MAPKAP1: variants seen among roughly 807,000 people sequenced by gnomAD.
MAPKAP1 encodes target of rapamycin complex 2 subunit MAPKAP1.
Under a neutral mutation model 65.7 loss-of-function variants are expected in MAPKAP1, and 20 were observed. That is an observed-to-expected ratio of 0.30 (90% confidence interval 0.21 to 0.44). The LOEUF (loss-of-function observed/expected upper bound fraction) is 0.44, where lower values mean the gene tolerates loss of function less well. MAPKAP1 is among the 20% of genes least tolerant of loss of function. The pLI is 1.00. For synonymous variants in MAPKAP1, 222 were observed against 244.3 expected (o/e 0.91, Z 0.85); for missense variants, 423 against 648.0 (o/e 0.65, Z 3.77).
chr9:125,497,160 T>C (rs1391677928), intron 8 of MAPKAP1, among the ~76,000 whole-genome samples: 1 of 152,162 alleles, frequency 6.6e-6, no homozygotes, highest in Non-Finnish European at 1.5e-5. Flanking sequence ...GACTAAGACC[T>C]CTGGATGTTC....
intron 7 of MAPKAP1, among the ~76,000 whole-genome samples, chr9:125,535,813 T>C (rs1002355972): frequency 6.6e-6 from 1 of 152,174 alleles, no homozygotes; most frequent in African/African-American, 2.4e-5. Flanking sequence ...CAGACCCTAG[T>C]GAACCCAGGA....
chr9:125,438,930 G>T lies in MAPKAP1; in HGVS notation c.1526C>A (p.Thr509Lys). 1 of 1,614,222 alleles carries T rather than the reference G, an allele frequency of 6.2e-7. No homozygotes were observed. The highest frequency in any genetic ancestry group is 1.3e-5 in the African/African-American group (1 of 75,080). The stretch of plus-strand genomic sequence containing the variant: ...CTTCTCCTTCTGGAAGCTGAAGCTC[G>T]TACGTCTGTTCAGTTTTCTTTGTTT... ...AQKQRKLNRRTSFSFQKEKKS... is the reference protein window; with the variant it reads ...AQKQRKLNRRKSFSFQKEKKS... The change falls in exon 12 of 12, where the codon ACG becomes AAG. Residue 509 changes from threonine (T) to lysine (K), a missense_variant. Transcript: ENST00000265960.
intron 4 of MAPKAP1, among the ~76,000 whole-genome samples, chr9:125,610,420 G>A (rs1832564672): frequency 6.6e-6 from 1 of 152,174 alleles, no homozygotes; most frequent in Non-Finnish European, 1.5e-5. Context: ...AAGACTAAGT[G>A]AAAAGAGAAT....
chr9:125,605,286 G>C (rs1432802337), intron 4 of MAPKAP1, among the ~76,000 whole-genome samples: 1 of 152,142 alleles, frequency 6.6e-6, no homozygotes, highest in Non-Finnish European at 1.5e-5. Context: ...ACTTCAGACA[G>C]GTCAAATCCT....
chr9:125,559,836 G>A, intron 5 of MAPKAP1, 27 bp from the exon 6 acceptor site: 1 of 1,595,788 alleles, frequency 6.3e-7, no homozygotes, highest in Non-Finnish European at 8.6e-7. Flanking sequence ...AAAGGCGAGT[G>A]AATACCAAGG....
At chr9:125,565,585 C>A in intron 5 of MAPKAP1, 3 of 309,680 alleles carry the variant, frequency 9.7e-6, no homozygotes, top group South Asian at 3.0e-5. Context: ...GAAAAAAGGT[C>A]ATGAGGATTG....
chr9:125,693,722 T>TATACACACAC (rs1419571343), intron 1 of MAPKAP1, among the ~76,000 whole-genome samples: 30 of 52,956 alleles, frequency 5.7e-4, no homozygotes, highest in Admixed American at 2.5e-3. Context: ...TATATACACG[T>TATACACACAC]ATATACACAT....
intron 7 of MAPKAP1, among the ~76,000 whole-genome samples, chr9:125,537,139 A>G (rs1830096568): frequency 6.6e-6 from 1 of 152,224 alleles, no homozygotes; most frequent in African/African-American, 2.4e-5. Flanking sequence ...GAGGTCAAAA[A>G]AGCCTGGGCT....
intron 5 of MAPKAP1, among the ~76,000 whole-genome samples, chr9:125,564,266 T>C (rs368026542): frequency 5.9e-5 from 9 of 152,212 alleles, no homozygotes; most frequent in African/African-American, 2.2e-4. Context: ...AAAACAGAAA[T>C]GATGATACTA....
chr9:125,558,105 A>G (rs1346709006), intron 6 of MAPKAP1, among the ~76,000 whole-genome samples: 1 of 151,974 alleles, frequency 6.6e-6, no homozygotes, highest in Admixed American at 6.6e-5. Context: ...GGCCTCCCAA[A>G]TCCTGGCCTG....
chr9:125,685,253 C>T (rs1320670172), intron 1 of MAPKAP1, among the ~76,000 whole-genome samples: 3 of 152,094 alleles, frequency 2.0e-5, no homozygotes, highest in Admixed American at 6.5e-5. Context: ...GGATAATGCT[C>T]GGTGGAGCCG....
intron 4 of MAPKAP1, among the ~76,000 whole-genome samples, chr9:125,611,347 G>A (rs1832594370): frequency 6.6e-6 from 1 of 152,142 alleles, no homozygotes; most frequent in African/African-American, 2.4e-5. Flanking sequence ...GAATCTGTTA[G>A]GAAGATATGA....
intron 6 of MAPKAP1, among the ~76,000 whole-genome samples, chr9:125,555,278 G>T (rs1830704744): frequency 1.3e-5 from 2 of 152,122 alleles, no homozygotes. Context: ...TTACATTTAA[G>T]AAACTCCCTC....
At chr9:125,693,667 A>ACG (rs1835265059) in intron 1 of MAPKAP1, among the ~76,000 whole-genome samples, 1 of 126,074 alleles carries the variant, frequency 7.9e-6, no homozygotes, top group African/African-American at 2.9e-5. Context: ...ATACACACAC[A>ACG]TATACACGTA....
At chr9:125,618,970 A>G (rs1040795116) in intron 4 of MAPKAP1, among the ~76,000 whole-genome samples, 1 of 152,106 alleles carries the variant, frequency 6.6e-6, no homozygotes, top group African/African-American at 2.4e-5. Flanking sequence ...TATCTCTACA[A>G]AAATTTTTTT....
At position 125,506,295 on chromosome 9, in the gene MAPKAP1, A is replaced by G. The variant is rs1829139041; in HGVS notation, c.1066+15T>C. 6.2e-7 allele frequency: 1 copy of G among 1,607,258 alleles called. No homozygotes were observed. The highest frequency in any genetic ancestry group is 8.5e-7 in the Non-Finnish European group (1 of 1,173,968). On this transcript the variant is annotated intron_variant, in intron 8 of 11. Transcript: ENST00000265960. ...CAACGGACAAAGCGGGCATGGAGCGAGGCGGCCAACGTACTGTTCTCGCGG... is the reference window on the plus strand; with the variant it reads ...CAACGGACAAAGCGGGCATGGAGCGGGGCGGCCAACGTACTGTTCTCGCGG...
At chr9:125,592,986 A>T (rs374306866) in intron 4 of MAPKAP1, among the ~76,000 whole-genome samples, 2 of 151,342 alleles carry the variant, frequency 1.3e-5, no homozygotes, top group Non-Finnish European at 2.9e-5. Context: ...TCAAAAAAAA[A>T]AAAAGAAAAA....
At chr9:125,631,033 G>A (rs996436701) in intron 4 of MAPKAP1, among the ~76,000 whole-genome samples, 1 of 151,642 alleles carries the variant, frequency 6.6e-6, no homozygotes, top group Non-Finnish European at 1.5e-5. Flanking sequence ...AGAGTCTGAA[G>A]CTGCAGCAAG....
At chr9:125,493,632 C>G (rs919175294) in intron 8 of MAPKAP1, among the ~76,000 whole-genome samples, 3 of 152,198 alleles carry the variant, frequency 2.0e-5, no homozygotes, top group African/African-American at 2.4e-5. Context: ...TACCTTTCCT[C>G]GTTTTCCATT....
Sources: allele counts gnomAD v4.1 joint callset (sites outside exome capture counted in the v4.1 genomes callset), GRCh38; gene constraint gnomAD v4.1.1; transcripts MANE v1.5; gene names NCBI Gene and HGNC (gene_info 2026-07-23, HGNC 2026-07-21).